The following MPPED1 variants were observed in gnomAD, a reference collection of about 807,000 sequenced individuals.
MPPED1 encodes the protein metallophosphoesterase domain-containing protein 1.
A neutral mutation model predicts 36.2 loss-of-function variants in MPPED1; 16 were observed. The ratio of observed to expected loss-of-function variants is 0.44; its 90% CI spans 0.30 to 0.67. The LOEUF (loss-of-function observed/expected upper bound fraction) is 0.67, where lower values mean the gene tolerates loss of function less well. MPPED1 is among the 30% of genes least tolerant of loss of function. MPPED1 has a pLI of 0.10. For synonymous variants in MPPED1, 199 were observed against 191.3 expected (o/e 1.04, Z -0.33); for missense variants, 307 against 453.4 (o/e 0.68, Z 2.93).
chr22:43,447,871 ATATATATATATATTTTT>A (rs1930407280), intron 3 of MPPED1, among the ~76,000 whole-genome samples: 2 of 28,208 alleles, frequency 7.1e-5, no homozygotes, highest in African/African-American at 3.7e-4. Context: ...ATATATATAT[ATATATATATATATTTTT>A]TTTTTTTTTA....
chr22:43,493,821 G>A (rs1209096182), intron 4 of MPPED1, among the ~76,000 whole-genome samples: 1 of 152,196 alleles, frequency 6.6e-6, no homozygotes, highest in Non-Finnish European at 1.5e-5. Flanking sequence ...TGCTGCAGGG[G>A]TGAAGGTCGT....
At chr22:43,493,015 T>G (rs1166760197) in intron 4 of MPPED1, among the ~76,000 whole-genome samples, 1 of 152,174 alleles carries the variant, frequency 6.6e-6, no homozygotes, top group Admixed American at 6.5e-5. Flanking sequence ...AAACATAGAT[T>G]TGCGTGTCTC....
intron 3 of MPPED1, among the ~76,000 whole-genome samples, chr22:43,443,869 C>T (rs575406749): frequency 2.0e-5 from 3 of 152,074 alleles, no homozygotes; most frequent in Non-Finnish European, 4.4e-5. Flanking sequence ...CTTGTCACCT[C>T]CGGCACTCTC....
intron 3 of MPPED1, among the ~76,000 whole-genome samples, chr22:43,443,954 C>A (rs551140830): frequency 1.3e-5 from 2 of 152,124 alleles, no homozygotes; most frequent in African/African-American, 2.4e-5. Flanking sequence ...AACTGAGTGA[C>A]CACCTGGAGA....
chr22:43,487,401 G>A (rs1205957336), intron 4 of MPPED1, among the ~76,000 whole-genome samples: 1 of 152,194 alleles, frequency 6.6e-6, no homozygotes, highest in African/African-American at 2.4e-5. Context: ...TGGGTGGTGA[G>A]CTCCGTGGGG....
chr22:43,428,456 C>T (rs1261634504), intron 2 of MPPED1, among the ~76,000 whole-genome samples: 1 of 152,156 alleles, frequency 6.6e-6, no homozygotes. Flanking sequence ...AGACTCCACA[C>T]CCCGAGCTCG....
chr22:43,430,007 G>T (rs1488138795), intron 2 of MPPED1, among the ~76,000 whole-genome samples: 2 of 152,164 alleles, frequency 1.3e-5, no homozygotes, highest in African/African-American at 4.8e-5. Flanking sequence ...TGGGCAAGCG[G>T]TTGGGGCAGT....
chr22:43,496,210 A>G (rs868813836), intron 4 of MPPED1, among the ~76,000 whole-genome samples: 408 of 4,956 alleles, frequency 0.082, no homozygotes, highest in Non-Finnish European at 0.1. Context: ...TGGTGGAGGT[A>G]GTGGTGGTGG....
intron 3 of MPPED1, among the ~76,000 whole-genome samples, chr22:43,450,544 C>T (rs1168213234): frequency 6.6e-6 from 1 of 152,180 alleles, no homozygotes; most frequent in Non-Finnish European, 1.5e-5. Flanking sequence ...GTTTTCTCAT[C>T]TATCAAAGGG....
chr22:43,427,805 G>T (rs758884545), intron 2 of MPPED1, among the ~76,000 whole-genome samples: 1 of 152,134 alleles, frequency 6.6e-6, no homozygotes, highest in Non-Finnish European at 1.5e-5. Context: ...TCCCCTTGCC[G>T]TGCCGCCCTC....
Position 43,505,290 on chromosome 22 carries a change from A to T in MPPED1, c.863-208A>T, listed in dbSNP as rs566968411. 5.9e-5 allele frequency among the ~76,000 whole-genome samples: 9 copies of T among 152,096 alleles called. No individual in the cohort carries two copies. The South Asian group carries it at 8.3e-4, about 14-fold the overall frequency. On this transcript the variant is annotated intron_variant, in intron 6 of 6. Transcript: ENST00000443721. ...GGCCGAGCACAGTACATAGATAATTATCTCATATAATCCTCACAGCAGGCT... is the reference window on the plus strand; with the variant it reads ...GGCCGAGCACAGTACATAGATAATTTTCTCATATAATCCTCACAGCAGGCT...
rs189622766 is a variant in MPPED1 at position 43,478,034 on chromosome 22, A to G, written c.632+3073A>G. The stretch of plus-strand genomic sequence containing the variant: ...GAGGATAACTATTTAGTTTTATTCC[A>G]CAAACCCCAAGGCAGGGCTAGGCCT... On this transcript the variant is annotated intron_variant, in intron 4 of 6. Coordinates refer to ENST00000443721, the MANE Select transcript of MPPED1 (RefSeq NM_001044370.2). Among the ~76,000 whole-genome samples, 106 of 152,322 alleles carry G rather than the reference A, an allele frequency of 7.0e-4. No individual in the cohort carries two copies. The East Asian group carries it at 8.7e-3, about 12-fold the overall frequency.
At chr22:43,471,981 C>G (rs575964427) in intron 3 of MPPED1, among the ~76,000 whole-genome samples, 14 of 152,272 alleles carry the variant, frequency 9.2e-5, no homozygotes, top group African/African-American at 3.4e-4. Context: ...CCCTTCATGT[C>G]CCCAGGGACA....
At chr22:43,457,145 C>A (rs899576381) in intron 3 of MPPED1, among the ~76,000 whole-genome samples, 2 of 152,160 alleles carry the variant, frequency 1.3e-5, no homozygotes, top group Admixed American at 1.3e-4. Context: ...AGTGTTTTCT[C>A]CTCTTTTGCT....
intron 4 of MPPED1, among the ~76,000 whole-genome samples, chr22:43,486,899 TCAG>T (rs1459735267): frequency 6.6e-6 from 1 of 152,036 alleles, no homozygotes; most frequent in Non-Finnish European, 1.5e-5. Context: ...AATGGGACAC[TCAG>T]CAGATGGCAG....
At chr22:43,486,156 C>T (rs1422632797) in intron 4 of MPPED1, among the ~76,000 whole-genome samples, 1 of 131,844 alleles carries the variant, frequency 7.6e-6, no homozygotes, top group Non-Finnish European at 1.8e-5. Context: ...GGTCTGGTCT[C>T]CATGCAGGCA....
chr22:43,476,104 G>A (rs979528063), intron 4 of MPPED1, among the ~76,000 whole-genome samples: 7 of 151,506 alleles, frequency 4.6e-5, no homozygotes, highest in Non-Finnish European at 7.4e-5. Context: ...GATGGTGATG[G>A]CAGGAAATAA....
intron 1 of MPPED1, chr22:43,418,001 G>C: frequency 2.2e-6 from 1 of 455,604 alleles, no homozygotes; most frequent in Admixed American, 2.4e-5. Context: ...TAATAAGACA[G>C]TCGTTTCTGT....
chr22:43,502,504 C>G lies in MPPED1; in HGVS notation c.749-140C>G, dbSNP rs1602030244. On this transcript the variant is annotated intron_variant, in intron 5 of 6. Coordinates refer to ENST00000443721, the MANE Select transcript of MPPED1 (RefSeq NM_001044370.2). The surrounding 1 kb of genome is among the most constrained non-coding windows in gnomAD (Gnocchi z 5.5). ...TGAGGCAGGGCAGGGTTCCGGAGAG[C>G]TTGCTAGGGGAGAGTGGTGCAAAGC... 6.2e-6 allele frequency: 4 copies of G among 645,444 alleles called. No individual in the cohort carries two copies. Among genetic ancestry groups the G allele is most frequent in the Non-Finnish European group, 1.1e-5 (4 of 369,852 alleles). The allele number at this position is 645,444 out of a possible 1,614,324, so 40.0% of individuals were successfully genotyped here.
Sources: gnomAD v4.1 joint callset for allele counts (sites outside exome capture counted in the v4.1 genomes callset) on GRCh38, gnomAD v4.1.1 for gene constraint, Gnocchi (gnomAD v3.1) non-coding constraint, MANE v1.5 for transcripts, NCBI Gene and HGNC (gene_info 2026-07-23, HGNC 2026-07-21) for gene names.